The following MTFR1 variants were observed in gnomAD, a reference collection of about 807,000 sequenced individuals.
The protein encoded by MTFR1 is chondrocyte protein with a poly-proline region.
MTFR1 carries 28 observed loss-of-function variants against 38.8 expected under a neutral mutation model. The ratio of observed to expected loss-of-function variants is 0.72; its 90% CI spans 0.53 to 0.99. The LOEUF is 0.99. Ranked by LOEUF, MTFR1 falls within the 50% of genes least tolerant of loss-of-function variation. MTFR1 has a pLI of 0.00. For synonymous variants in MTFR1, 145 were observed against 137.0 expected (o/e 1.06, Z -0.41); for missense variants, 358 against 395.5 (o/e 0.91, Z 0.81).
intron 3 of MTFR1, among the ~76,000 whole-genome samples, chr8:65,731,966 ATAT>A (rs137999443): frequency 0.027 from 4,030 of 151,118 alleles, 125 homozygotes; most frequent in African/African-American, 0.075. Context: ...GTCATTCTCT[ATAT>A]TATTATTATT....
chr8:65,668,305 G>A (rs573219805), intron 1 of MTFR1, among the ~76,000 whole-genome samples: 8 of 150,146 alleles, frequency 5.3e-5, no homozygotes, highest in Non-Finnish European at 1.2e-4. Flanking sequence ...AGCCTCCTGA[G>A]TAGCTGGGAT....
At chr8:65,764,246 TG>T (rs771623408) in intron 3 of MTFR1, among the ~76,000 whole-genome samples, 1 of 152,216 alleles carries the variant, frequency 6.6e-6, no homozygotes, top group Non-Finnish European at 1.5e-5. Flanking sequence ...AAGAAATGTT[TG>T]CTCTGAAACA....
At chr8:65,771,702 C>T (rs1261607815), downstream of MTFR1, among the ~76,000 whole-genome samples, 1 of 151,648 alleles carries the variant, frequency 6.6e-6, no homozygotes, top group Non-Finnish European at 1.5e-5. Flanking sequence ...TGGTGAAACC[C>T]CATCTCTACT....
At chr8:65,665,004 G>A (rs200021399) in intron 1 of MTFR1, among the ~76,000 whole-genome samples, 2 of 136,282 alleles carry the variant, frequency 1.5e-5, no homozygotes, top group Admixed American at 1.5e-4. Flanking sequence ...GCATGATCTC[G>A]GCTCACTGCA....
At chr8:65,718,798 C>T (rs1245922603) in intron 2 of MTFR1, 1 of 158,144 alleles carries the variant, frequency 6.3e-6, no homozygotes, top group Non-Finnish European at 1.4e-5. Flanking sequence ...CAATTTAGAA[C>T]CAATATTTTC....
intron 3 of MTFR1, chr8:65,722,979 A>G (rs1806447494): frequency 6.6e-6 from 1 of 152,374 alleles, no homozygotes; most frequent in South Asian, 2.1e-4. Flanking sequence ...CTTGGGAAAC[A>G]CAGAAGCGTC....
chr8:65,719,453 G>A (rs1238144035), exon 3 of MTFR1: 2 of 1,614,050 alleles, frequency 1.2e-6, no homozygotes, highest in Admixed American at 3.3e-5. Context: ...GGAAAACCTG[G>A]CCCATTCTGT....
intron 2 of MTFR1, among the ~76,000 whole-genome samples, chr8:65,681,757 AT>A (rs1392334568): frequency 6.6e-6 from 1 of 151,556 alleles, no homozygotes; most frequent in Non-Finnish European, 1.5e-5. Context: ...CATCTGAGAA[AT>A]TCTGCTCAGA....
At chr8:65,744,766 T>C (rs1807596269) in intron 3 of MTFR1, among the ~76,000 whole-genome samples, 1 of 152,256 alleles carries the variant, frequency 6.6e-6, no homozygotes. Flanking sequence ...TTATTAATAA[T>C]AGCAGCGGCA....
rs773126607 is a variant in MTFR1 at position 65,704,756 on chromosome 8, GCAGA to G, written c.349_352del (p.Gln117PhefsTer13). The G allele has an allele frequency of 1.3e-5, 21 of 1,613,946 alleles. No individual in the cohort carries two copies. Among genetic ancestry groups the G allele is most frequent in the Middle Eastern group, 3.3e-4 (2 of 6,084 alleles). ...CTTCTTTTCTTTGAGAAGGCCCCAA[GCAGA>G]CAGATTTCCTTACCAGACTTGTCTC... On this transcript the variant is annotated frameshift_variant, in exon 5 of 8. Transcript: ENST00000262146. LOFTEE classifies it high-confidence loss of function.
intron 3 of MTFR1, chr8:65,689,670 C>A (rs1805213396): frequency 1.8e-6 from 2 of 1,082,076 alleles, no homozygotes; most frequent in South Asian, 3.1e-5. Flanking sequence ...CCAAGAATTT[C>A]TTAATGTCAG....
intron 3 of MTFR1, among the ~76,000 whole-genome samples, chr8:65,767,043 GACC>G (rs879724173): frequency 2.6e-5 from 4 of 151,708 alleles, no homozygotes; most frequent in African/African-American, 7.3e-5. Context: ...ACAACGCCTG[GACC>G]ACTACATCCA....
At chr8:65,687,310 A>G (rs954703279) in intron 3 of MTFR1, among the ~76,000 whole-genome samples, 16 of 151,914 alleles carry the variant, frequency 1.1e-4, no homozygotes, top group African/African-American at 3.9e-4. Context: ...TATTTCAAAC[A>G]TAATAAATAT....
At chr8:65,712,027 GA>G (rs1805960221), downstream of MTFR1, among the ~76,000 whole-genome samples, 3 of 152,316 alleles carry the variant, frequency 2.0e-5, no homozygotes, top group East Asian at 5.8e-4. Flanking sequence ...AATTTGGGGA[GA>G]AAGGCCAGAC....
downstream of MTFR1, among the ~76,000 whole-genome samples, chr8:65,772,332 T>G (rs1255758207): frequency 6.6e-6 from 1 of 152,214 alleles, no homozygotes; most frequent in East Asian, 1.9e-4. Flanking sequence ...AAAATAGTCT[T>G]ATTTTTAATT....
chr8:65,660,322 A>C (rs1809377339), intron 1 of MTFR1, among the ~76,000 whole-genome samples: 1 of 151,164 alleles, frequency 6.6e-6, no homozygotes, highest in South Asian at 2.1e-4. Flanking sequence ...CAAAAAAAAA[A>C]CCCATCTGTG....
chr8:65,715,001 A>C (rs1806075479), downstream of MTFR1, among the ~76,000 whole-genome samples: 1 of 152,164 alleles, frequency 6.6e-6, no homozygotes, highest in African/African-American at 2.4e-5. Flanking sequence ...GGACTTGTCA[A>C]AATTTTCTCT....
chr8:65,763,191 T>C (rs1404703575), intron 3 of MTFR1, among the ~76,000 whole-genome samples: 4 of 152,178 alleles, frequency 2.6e-5, no homozygotes, highest in African/African-American at 9.7e-5. Context: ...ACATATAACA[T>C]TGATCTAAGT....
At chr8:65,717,154 C>T (rs1450655511) in intron 2 of MTFR1, among the ~76,000 whole-genome samples, 3 of 152,000 alleles carry the variant, frequency 2.0e-5, no homozygotes, top group Admixed American at 6.6e-5. Flanking sequence ...ACTAGAAAAC[C>T]GAAAATTATG....
Sources: allele counts gnomAD v4.1 joint callset (sites outside exome capture counted in the v4.1 genomes callset), GRCh38; gene constraint gnomAD v4.1.1; transcripts MANE v1.5; gene names NCBI Gene and HGNC (gene_info 2026-07-23, HGNC 2026-07-21).